MANBA: variants seen among roughly 807,000 people sequenced by gnomAD.
MANBA encodes mannosidase beta, also known as beta-mannosidase.
A neutral mutation model predicts 111.1 loss-of-function variants in MANBA; 83 were observed. The observed-to-expected ratio is 0.75, with a 90% confidence interval of 0.63 to 0.90. The LOEUF is 0.90. MANBA is among the 40% of genes least tolerant of loss of function. MANBA has a pLI of 0.00. For synonymous variants in MANBA, 370 were observed against 378.7 expected (o/e 0.98, Z 0.27); for missense variants, 1,036 against 1,069.0 (o/e 0.97, Z 0.43).
At chr4:102,741,779 G>A (rs1454482018) in intron 1 of MANBA, among the ~76,000 whole-genome samples, 1 of 152,178 alleles carries the variant, frequency 6.6e-6, no homozygotes, top group African/African-American at 2.4e-5. Flanking sequence ...TGCAGGGAAG[G>A]ATGGGAAGGT....
At chr4:102,647,242 T>A (rs1730143752) in intron 13 of MANBA, among the ~76,000 whole-genome samples, 1 of 147,652 alleles carries the variant, frequency 6.8e-6, no homozygotes. Flanking sequence ...TCATCACAGA[T>A]AGCATCTAGT....
intron 5 of MANBA, among the ~76,000 whole-genome samples, chr4:102,703,730 A>G (rs1228592715): frequency 2.6e-5 from 4 of 152,046 alleles, no homozygotes; most frequent in East Asian, 1.9e-4. Context: ...CGTTCCCCCT[A>G]TGATTCCATC....
In MANBA at chr4:102,650,652, C is replaced by A. The variant is rs200033515; in HGVS notation, c.1754G>T (p.Arg585Leu). 66 of 1,613,172 alleles carry A rather than the reference C, an allele frequency of 4.1e-5. No homozygotes were observed. The highest frequency in any genetic ancestry group is 5.6e-5 in the Non-Finnish European group (66 of 1,179,378). The change falls in exon 13 of 17, where the codon CGA becomes CTA. Residue 585 changes from arginine to leucine, a missense_variant. Transcript: ENST00000647097. ...TTTGTTACCACCTTCGTGATGTTGT[C>A]GATGAAGTGAAAACTTGCTATTGAA... is the stretch of plus-strand genomic sequence containing the variant. ...WSFNSKFSLHRQHHEGGNKQM... is the reference protein window; with the variant it reads ...WSFNSKFSLHLQHHEGGNKQM...
chr4:102,656,072 G>A (rs908837092), intron 12 of MANBA, among the ~76,000 whole-genome samples: 4 of 152,138 alleles, frequency 2.6e-5, no homozygotes, highest in Non-Finnish European at 4.4e-5. Flanking sequence ...GGATGATTTG[G>A]TGAAACTCCG....
chr4:102,745,000 G>T (rs1039345613), intron 1 of MANBA, among the ~76,000 whole-genome samples: 1 of 152,148 alleles, frequency 6.6e-6, no homozygotes, highest in Non-Finnish European at 1.5e-5. Flanking sequence ...ACTGGGAAAT[G>T]ACCACAGGGT....
chr4:102,669,339 C>T lies in MANBA; in HGVS notation c.1231-290G>A, dbSNP rs1423425390. On this transcript the variant is annotated intron_variant, in intron 9 of 16. Transcript: ENST00000647097. ...AAAGAAAAAATGTGTGGAGGGGACA[C>T]AGAATGAGGCTTCCCTCCAGCCCCT... 2.6e-5 allele frequency among the ~76,000 whole-genome samples: 4 copies of T among 152,300 alleles called. No homozygotes were observed. The South Asian group carries it at 8.3e-4, about 32-fold the overall frequency.
chr4:102,750,400 T>C (rs1038274859), intron 1 of MANBA, among the ~76,000 whole-genome samples: 1 of 152,078 alleles, frequency 6.6e-6, no homozygotes, highest in African/African-American at 2.4e-5. Context: ...CTGTGGAAGG[T>C]TAGTATAACA....
chr4:102,705,165 G>C (rs1733240027), intron 5 of MANBA, among the ~76,000 whole-genome samples: 1 of 152,168 alleles, frequency 6.6e-6, no homozygotes, highest in African/African-American at 2.4e-5. Flanking sequence ...GCTCCCCAAT[G>C]CTGGGAGAAG....
intron 7 of MANBA, among the ~76,000 whole-genome samples, chr4:102,674,660 G>T (rs770530919): frequency 1.3e-5 from 2 of 152,204 alleles, no homozygotes; most frequent in Non-Finnish European, 2.9e-5. Context: ...GCAGGACCAC[G>T]CACTCTGTGC....
chr4:102,633,773 TG>T (rs33969351), intron 16 of MANBA, among the ~76,000 whole-genome samples: 82,549 of 150,782 alleles, frequency 0.55, 22,996 homozygotes, highest in African/African-American at 0.63. Context: ...CAGTACATAG[TG>T]GTTTTTTTTT....
intron 1 of MANBA, among the ~76,000 whole-genome samples, chr4:102,748,212 T>C (rs1357677899): frequency 1.3e-5 from 2 of 152,192 alleles, no homozygotes; most frequent in Non-Finnish European, 2.9e-5. Flanking sequence ...AACATCTCTG[T>C]ACACCTGTTT....
intron 1 of MANBA, 22 bp downstream of exon 1, chr4:102,760,696 G>A: frequency 1.3e-6 from 2 of 1,513,890 alleles, no homozygotes; most frequent in South Asian, 1.2e-5. Flanking sequence ...CAGGCTCGCC[G>A]CGGGTCGGCC....
chr4:102,712,312 T>A (rs1229838109), intron 5 of MANBA, among the ~76,000 whole-genome samples: 1 of 152,162 alleles, frequency 6.6e-6, no homozygotes, highest in Non-Finnish European at 1.5e-5. Context: ...CATATAAAAT[T>A]CACTCAGTCA....
At chr4:102,634,652 A>G (rs1729534225) in intron 16 of MANBA, 136 bp downstream of exon 16, 5 of 1,212,390 alleles carry the variant, frequency 4.1e-6, no homozygotes, top group Non-Finnish European at 6.1e-6. Flanking sequence ...GGAAGAGGCC[A>G]ATCTTCCCCC....
At chr4:102,703,564 G>A (rs934217181) in intron 5 of MANBA, among the ~76,000 whole-genome samples, 1 of 152,134 alleles carries the variant, frequency 6.6e-6, no homozygotes, top group Admixed American at 6.5e-5. Context: ...AATTGCTCCT[G>A]GGGATAACAT....
intron 5 of MANBA, among the ~76,000 whole-genome samples, chr4:102,697,041 CA>C (rs1198126695): frequency 6.6e-6 from 1 of 152,094 alleles, no homozygotes; most frequent in Non-Finnish European, 1.5e-5. Flanking sequence ...ACCTACTCAG[CA>C]GTACAAAATC....
intron 4 of MANBA, among the ~76,000 whole-genome samples, chr4:102,715,445 T>G (rs984155363): frequency 3.3e-5 from 5 of 152,184 alleles, no homozygotes; most frequent in Non-Finnish European, 7.3e-5. Context: ...TAATAAATGT[T>G]TTGTTTATAT....
At chr4:102,737,684 G>A (rs569787931) in intron 1 of MANBA, among the ~76,000 whole-genome samples, 12 of 152,070 alleles carry the variant, frequency 7.9e-5, no homozygotes, top group African/African-American at 2.2e-4. Flanking sequence ...GGGTTTCATC[G>A]TGTTAGCCAG....
chr4:102,728,620 A>C, intron 1 of MANBA: 1 of 495,090 alleles, frequency 2.0e-6, no homozygotes, highest in South Asian at 2.0e-5. Context: ...CCCAGGTAGT[A>C]AACTACCCTG....
Sources: gnomAD v4.1 joint callset for allele counts (sites outside exome capture counted in the v4.1 genomes callset) on GRCh38, gnomAD v4.1.1 for gene constraint, MANE v1.5 for transcripts, NCBI Gene and HGNC (gene_info 2026-07-23, HGNC 2026-07-21) for gene names.